The following BLNK variants were observed in gnomAD, a reference collection of about 807,000 sequenced individuals.
BLNK encodes B-cell linker protein.
In BLNK, 29 loss-of-function variants were observed where a neutral mutation model predicts 73.5. That is an observed-to-expected ratio of 0.39 (90% CI 0.29 to 0.54). The LOEUF is 0.54. Ranked by LOEUF, BLNK falls within the 20% of genes least tolerant of loss-of-function variation. BLNK has a pLI of 0.61. For missense variants in BLNK, 460 were observed against 562.8 expected (o/e 0.82, Z 1.85); for synonymous variants, 176 against 200.8 (o/e 0.88, Z 1.04).
At chr10:96,221,339 C>T (rs1554901114) in intron 6 of BLNK, among the ~76,000 whole-genome samples, 1 of 152,198 alleles carries the variant, frequency 6.6e-6, no homozygotes, top group East Asian at 1.9e-4. Context: ...GCCTGTATCT[C>T]TGTATTTTGC....
chr10:96,246,921 C>A, intron 2 of BLNK, 63 bp downstream of exon 2: 1 of 1,284,508 alleles, frequency 7.8e-7, no homozygotes, highest in Admixed American at 1.9e-5. Flanking sequence ...AATTTGTTTT[C>A]TTCCATGTAG....
At chr10:96,220,854 C>T (rs950581063) in intron 6 of BLNK, among the ~76,000 whole-genome samples, 32 of 152,320 alleles carry the variant, frequency 2.1e-4, no homozygotes, top group African/African-American at 7.2e-4. Flanking sequence ...AGACACTTGT[C>T]ATAATTGTTT....
chr10:96,215,818 G>T, intron 7 of BLNK: 1 of 160,880 alleles, frequency 6.2e-6, no homozygotes, highest in Non-Finnish European at 1.4e-5. Context: ...CATTGCTCTG[G>T]GATTTCATGG....
At chr10:96,253,866 A>T (rs1377548787) in intron 1 of BLNK, among the ~76,000 whole-genome samples, 1 of 151,816 alleles carries the variant, frequency 6.6e-6, no homozygotes, top group East Asian at 1.9e-4. Context: ...ATACAAAAAA[A>T]AAAAATTAGC....
intron 1 of BLNK, 39 bp downstream of exon 1, chr10:96,271,313 A>G (rs1554915657): frequency 6.2e-7 from 1 of 1,606,244 alleles, no homozygotes; most frequent in Admixed American, 1.7e-5. Flanking sequence ...GGGGGAAAAA[A>G]AGGAGATGAA....
chr10:96,242,638 A>G lies in BLNK; in HGVS notation c.163+97T>C, dbSNP rs1200342875. The G allele has an allele frequency of 1.1e-5, 13 of 1,184,450 alleles. No homozygotes were observed. In the Admixed American group the frequency reaches 1.5e-4, roughly 14 times the overall value. The allele number at this position is 1,184,450 out of a possible 1,614,324, so 73.4% of individuals were successfully genotyped here. A position where few individuals can be genotyped will look rare whatever the true frequency, so the allele number is the denominator to read the frequency against. ...ATTAGAAAAGATACCTTTTGTTTTCAAATGAGGATAGCGTATTTCCCTTTC... is the reference window on the plus strand; with the variant it reads ...ATTAGAAAAGATACCTTTTGTTTTCGAATGAGGATAGCGTATTTCCCTTTC... On this transcript the variant is annotated intron_variant, in intron 3 of 16. Transcript: ENST00000224337.
Position 96,215,409 on chromosome 10 carries a change from G to GTA in BLNK, c.608-21_608-20insTA. ...TGGGAGCTTAAACACAGAAATGTGT[G>GTA]TGTATATATATATATATATATACAT... On this transcript the variant is annotated intron_variant, in intron 7 of 16. Transcript: ENST00000224337. 6.5e-7 allele frequency: 1 copy of GTA among 1,547,288 alleles called. No individual in the cohort carries two copies. Among genetic ancestry groups the GTA allele is most frequent in the Non-Finnish European group, 8.8e-7 (1 of 1,137,246 alleles).
At chr10:96,249,684 G>C (rs1380820160) in intron 1 of BLNK, among the ~76,000 whole-genome samples, 2 of 152,240 alleles carry the variant, frequency 1.3e-5, no homozygotes, top group African/African-American at 4.8e-5. Flanking sequence ...GATTTTCAGT[G>C]GTGGGGGTTT....
chr10:96,216,365 T>C (rs587638046), intron 7 of BLNK: 8 of 443,196 alleles, frequency 1.8e-5, no homozygotes, highest in African/African-American at 1.2e-4. Context: ...AGAAATCCAT[T>C]TGAAGCGAGG....
intron 1 of BLNK, among the ~76,000 whole-genome samples, chr10:96,270,442 A>T (rs887392246): frequency 1.3e-5 from 2 of 152,138 alleles, no homozygotes; most frequent in African/African-American, 4.8e-5. Flanking sequence ...ACAGAGGGGA[A>T]CATCACACAC....
chr10:96,223,362 C>T (rs1468303249), intron 6 of BLNK, among the ~76,000 whole-genome samples: 1 of 152,110 alleles, frequency 6.6e-6, no homozygotes, highest in African/African-American at 2.4e-5. Flanking sequence ...TCCGCTTGGC[C>T]CTCTTCTAAG....
intron 3 of BLNK, among the ~76,000 whole-genome samples, chr10:96,234,698 T>C (rs1554904741): frequency 1.3e-5 from 2 of 152,254 alleles, no homozygotes; most frequent in African/African-American, 2.4e-5. Flanking sequence ...GTTACCGTCA[T>C]CTTGAGCATT....
chr10:96,246,491 G>A (rs1162125106), intron 2 of BLNK, among the ~76,000 whole-genome samples: 1 of 152,236 alleles, frequency 6.6e-6, no homozygotes, highest in African/African-American at 2.4e-5. Context: ...GGCAGAGGTT[G>A]CGGTGAGCTG....
rs143205160 is a variant in BLNK, at chr10:96,251,648, A to G, written c.48-4599T>C. 3.0e-4 allele frequency among the ~76,000 whole-genome samples: 45 copies of G among 152,386 alleles called. 1 individual carries two copies. The East Asian group carries it at 7.1e-3, about 24-fold the overall frequency. On this transcript the variant is annotated intron_variant, in intron 1 of 16. Transcript: ENST00000224337. ...TTATCTAATACATGTTTTAAAATAT[A>G]TAAGTATTGTAATTTTAAGCAGTAT... is the stretch of plus-strand genomic sequence containing the variant.
rs2133903123 is a variant in BLNK, at chr10:96,190,102, T to C, written c.*1871A>G. 3 of 952,442 alleles carry C rather than the reference T, an allele frequency of 3.1e-6. No individual in the cohort carries two copies. Among genetic ancestry groups the C allele is most frequent in the South Asian group, 2.6e-5 (2 of 78,032 alleles). The allele number at this position is 952,442 out of a possible 1,614,324, so 59.0% of individuals were successfully genotyped here. A position where few individuals can be genotyped will look rare whatever the true frequency, so the allele number is the denominator to read the frequency against. ...ACTGACCGTTCTTAAGGATAACTGGTGCTCATTTTCATCATTATCCACCTT... is the reference window on the plus strand; with the variant it reads ...ACTGACCGTTCTTAAGGATAACTGGCGCTCATTTTCATCATTATCCACCTT... On this transcript the variant is annotated 3_prime_UTR_variant, in exon 17 of 17. Coordinates refer to ENST00000224337, the MANE Select transcript of BLNK (RefSeq NM_013314.4).
chr10:96,213,679 G>A (rs1338751818), intron 8 of BLNK, among the ~76,000 whole-genome samples: 4 of 152,134 alleles, frequency 2.6e-5, no homozygotes, highest in South Asian at 2.1e-4. Context: ...TTTGTAAGAG[G>A]TAAACACCAG....
chr10:96,270,786 C>G (rs1359825688), intron 1 of BLNK, among the ~76,000 whole-genome samples: 5 of 152,106 alleles, frequency 3.3e-5, no homozygotes, highest in Admixed American at 3.3e-4. Flanking sequence ...CCCATGGGGC[C>G]GCTTCTGGTT....
Position 96,190,425 on chromosome 10 carries a change from C to T in BLNK, c.*1548G>A, listed in dbSNP as rs1236076520. On this transcript the variant is annotated 3_prime_UTR_variant, in exon 17 of 17. Coordinates refer to ENST00000224337, the MANE Select transcript of BLNK (RefSeq NM_013314.4). ...GTATTAAGGCCCACCCTACTGACCTCATCTTACCTTGACTATATCTGTAAA... is the reference window on the plus strand; with the variant it reads ...GTATTAAGGCCCACCCTACTGACCTTATCTTACCTTGACTATATCTGTAAA... Among the ~76,000 whole-genome samples the T allele has an allele frequency of 2.0e-5, 3 of 152,228 alleles. No individual in the cohort carries two copies. The highest frequency in any genetic ancestry group is 2.1e-4 in the South Asian group (1 of 4,836).
At chr10:96,260,156 A>G (rs1222765787) in intron 1 of BLNK, among the ~76,000 whole-genome samples, 1 of 152,160 alleles carries the variant, frequency 6.6e-6, no homozygotes. Context: ...TCACAAAACT[A>G]CATAAAAGCA....
Sources: allele counts gnomAD v4.1 joint callset (sites outside exome capture counted in the v4.1 genomes callset), GRCh38; gene constraint gnomAD v4.1.1; transcripts MANE v1.5; gene names NCBI Gene and HGNC (gene_info 2026-07-23, HGNC 2026-07-21).